ZBTB34: variants seen among roughly 807,000 people sequenced by gnomAD.
ZBTB34 encodes zinc finger and BTB domain-containing protein 34.
A neutral mutation model predicts 33.4 loss-of-function variants in ZBTB34; 1 was observed. The ratio of observed to expected loss-of-function variants is 0.03; its 90% confidence interval spans 0.01 to 0.14. The LOEUF (loss-of-function observed/expected upper bound fraction) is 0.14, where lower values mean the gene tolerates loss of function less well. Among genes scored for constraint, ZBTB34 ranks in the 10% least tolerant of loss-of-function variants. The pLI, the probability that ZBTB34 is intolerant of heterozygous loss-of-function variation, is 1.00. For synonymous variants in ZBTB34, 283 were observed against 253.5 expected (o/e 1.12, Z -1.11); for missense variants, 406 against 657.2 (o/e 0.62, Z 4.18).
chr9:126,865,525 T>G (rs1588383968), intron 1 of ZBTB34, among the ~76,000 whole-genome samples: 1 of 152,352 alleles, frequency 6.6e-6, no homozygotes, highest in Non-Finnish European at 1.5e-5. Flanking sequence ...AGAGGAGATT[T>G]TAAGGCCCAG....
exon 2 of ZBTB34, chr9:126,882,392 A>T (rs532942467): frequency 1.2e-5 from 2 of 167,238 alleles, no homozygotes; most frequent in East Asian, 3.9e-4. Context: ...GCTGGCAAAC[A>T]CGTTACTGTA....
At chr9:126,871,161 A>G (rs1482938017) in intron 1 of ZBTB34, among the ~76,000 whole-genome samples, 1 of 150,174 alleles carries the variant, frequency 6.7e-6, no homozygotes, top group Non-Finnish European at 1.5e-5. Flanking sequence ...TACATAAGAA[A>G]GCCAAGATGT....
chr9:126,876,925 C>T (rs1388675133), intron 1 of ZBTB34, among the ~76,000 whole-genome samples: 1 of 152,170 alleles, frequency 6.6e-6, no homozygotes, highest in African/African-American at 2.4e-5. Flanking sequence ...GATCTAGGCA[C>T]ATTTAACTGA....
At chr9:126,881,190 T>G in exon 2 of ZBTB34, 2 of 400,640 alleles carry the variant, frequency 5.0e-6, no homozygotes, top group East Asian at 5.2e-5. Flanking sequence ...CTGCCAGTGA[T>G]TTAGCTATGC....
chr9:126,866,855 C>T (rs148444427), intron 1 of ZBTB34, among the ~76,000 whole-genome samples: 1 of 152,282 alleles, frequency 6.6e-6, no homozygotes, highest in East Asian at 1.9e-4. Flanking sequence ...CCTTCCCTCT[C>T]CTTAGTCCTT....
chr9:126,867,239 A>G (rs1050623964), intron 1 of ZBTB34, among the ~76,000 whole-genome samples: 21 of 148,560 alleles, frequency 1.4e-4, no homozygotes, highest in African/African-American at 5.2e-4. Flanking sequence ...CCTCCCCGTT[A>G]CTTGTGGACC....
chr9:126,861,570 C>T (rs2119201511), intron 1 of ZBTB34, among the ~76,000 whole-genome samples: 1 of 152,306 alleles, frequency 6.6e-6, no homozygotes, highest in East Asian at 1.9e-4. Flanking sequence ...TGGGCAGTTT[C>T]GCTGAAGACT....
At chr9:126,875,479 G>T (rs117403491) in intron 1 of ZBTB34, among the ~76,000 whole-genome samples, 4 of 152,036 alleles carry the variant, frequency 2.6e-5, no homozygotes, top group Non-Finnish European at 5.9e-5. Flanking sequence ...CCAGAAGCAT[G>T]TTCTCTCTCT....
chr9:126,875,761 C>G (rs1218178985), intron 1 of ZBTB34, among the ~76,000 whole-genome samples: 1 of 152,094 alleles, frequency 6.6e-6, no homozygotes, highest in African/African-American at 2.4e-5. Context: ...GTAATTTTGT[C>G]TCTTTTTTAA....
chr9:126,873,016 T>C (rs1480263647), intron 1 of ZBTB34, among the ~76,000 whole-genome samples: 2 of 152,228 alleles, frequency 1.3e-5, no homozygotes, highest in African/African-American at 2.4e-5. Flanking sequence ...CTTTCAGTTG[T>C]ACATTCTATT....
intron 1 of ZBTB34, among the ~76,000 whole-genome samples, chr9:126,869,169 A>G (rs990564976): frequency 2.0e-5 from 3 of 151,794 alleles, no homozygotes; most frequent in Non-Finnish European, 4.4e-5. Flanking sequence ...TCTGGGCAGC[A>G]ATAGGGAGGA....
At chr9:126,881,574 A>T (rs1057217656) in exon 2 of ZBTB34, 1 of 166,934 alleles carries the variant, frequency 6.0e-6, no homozygotes, top group African/African-American at 2.4e-5. Flanking sequence ...TATATTAATC[A>T]TTGTGTCCAA....
chr9:126,866,388 CTG>C (rs1352759082), intron 1 of ZBTB34, among the ~76,000 whole-genome samples: 1 of 152,178 alleles, frequency 6.6e-6, no homozygotes, highest in Non-Finnish European at 1.5e-5. Flanking sequence ...CACCTTCTGA[CTG>C]TGGCCTTCTC....
chr9:126,883,881 C>G (rs1013389558), exon 2 of ZBTB34: 5 of 167,066 alleles, frequency 3.0e-5, no homozygotes, highest in African/African-American at 1.2e-4. Flanking sequence ...TTAATTGTGC[C>G]TTGCCGCATG....
At chr9:126,882,374 A>C (rs544494774) in exon 2 of ZBTB34, 1 of 167,218 alleles carries the variant, frequency 6.0e-6, no homozygotes, top group Admixed American at 6.5e-5. Flanking sequence ...GAGACCTCAA[A>C]AGCATGTGCT....
intron 1 of ZBTB34, among the ~76,000 whole-genome samples, chr9:126,861,776 T>G (rs1031661173): frequency 6.6e-6 from 1 of 152,212 alleles, no homozygotes; most frequent in African/African-American, 2.4e-5. Context: ...CATTTTCTCT[T>G]TGTTCCCTAG....
chr9:126,876,644 T>C (rs2033367835), intron 1 of ZBTB34, among the ~76,000 whole-genome samples: 2 of 152,350 alleles, frequency 1.3e-5, no homozygotes, highest in South Asian at 2.1e-4. Context: ...TGTCATCTTC[T>C]GGTATCAGAT....
At chr9:126,883,957 C>T (rs1245723627) in exon 2 of ZBTB34, 1 of 167,094 alleles carries the variant, frequency 6.0e-6, no homozygotes, top group African/African-American at 2.4e-5. Context: ...GTTCACTTCA[C>T]GTCTCCGCAG....
At chr9:126,861,836 T>C (rs140319468) in intron 1 of ZBTB34, among the ~76,000 whole-genome samples, 1 of 152,342 alleles carries the variant, frequency 6.6e-6, no homozygotes, top group Non-Finnish European at 1.5e-5. Flanking sequence ...GCTTCTAAGC[T>C]GGTCGCTGAC....
Sources: allele counts gnomAD v4.1 joint callset (sites outside exome capture counted in the v4.1 genomes callset), GRCh38; gene constraint gnomAD v4.1.1; transcripts MANE v1.5; gene names NCBI Gene and HGNC (gene_info 2026-07-23, HGNC 2026-07-21).